Variants in KIF13B observed in about 807,000 individuals in gnomAD.
KIF13B encodes kinesin family member 13B.
KIF13B carries 127 observed loss-of-function variants against 222.0 expected under a neutral mutation model. The observed-to-expected ratio is 0.57, with a 90% CI of 0.50 to 0.66. The LOEUF is 0.66. KIF13B is among the 30% of genes least tolerant of loss of function. The pLI, the probability that KIF13B is intolerant of heterozygous loss-of-function variation, is 0.00. For synonymous variants in KIF13B, 976 were observed against 919.0 expected (o/e 1.06, Z -1.12); for missense variants, 2,173 against 2,379.0 (o/e 0.91, Z 1.80).
chr8:29,102,782 A>G (rs1279816693), intron 35 of KIF13B, among the ~76,000 whole-genome samples: 1 of 152,248 alleles, frequency 6.6e-6, no homozygotes. Flanking sequence ...CACGGCTTTC[A>G]GGAAGGCGAT....
intron 1 of KIF13B, among the ~76,000 whole-genome samples, chr8:29,253,051 G>T (rs182439737): frequency 1.1e-3 from 169 of 152,304 alleles, no homozygotes; most frequent in African/African-American, 4.0e-3. Context: ...GTTAGGAGAG[G>T]AGATGTGATA....
At chr8:29,235,785 G>C (rs1218815628) in intron 2 of KIF13B, among the ~76,000 whole-genome samples, 1 of 152,220 alleles carries the variant, frequency 6.6e-6, no homozygotes, top group African/African-American at 2.4e-5. Context: ...GCAGGAGCAG[G>C]CTTGAAGATC....
intron 6 of KIF13B, among the ~76,000 whole-genome samples, chr8:29,184,169 A>G (rs1344686827): frequency 6.6e-6 from 1 of 151,972 alleles, no homozygotes; most frequent in Non-Finnish European, 1.5e-5. Flanking sequence ...TTATCTCCTG[A>G]GTAAAACAAC....
chr8:29,262,909 G>A, intron 1 of KIF13B, 71 bp downstream of exon 1: 1 of 1,319,202 alleles, frequency 7.6e-7, no homozygotes, highest in Non-Finnish European at 1.0e-6. Context: ...ACCCCCCACG[G>A]CGGCCGAGGG....
At chr8:29,224,140 C>G (rs544467057) in intron 2 of KIF13B, among the ~76,000 whole-genome samples, 1 of 148,504 alleles carries the variant, frequency 6.7e-6, no homozygotes, top group South Asian at 2.2e-4. Context: ...TACAGGCACC[C>G]GCCACCACGC....
intron 5 of KIF13B, 56 bp from the exon 6 acceptor site, chr8:29,186,528 C>T (rs1812936413): frequency 7.0e-7 from 1 of 1,428,954 alleles, no homozygotes; most frequent in Non-Finnish European, 9.5e-7. Flanking sequence ...AAATACATAA[C>T]CCTCTTTCCG....
At chr8:29,173,828 C>T (rs1186378067) in intron 10 of KIF13B, among the ~76,000 whole-genome samples, 1 of 151,478 alleles carries the variant, frequency 6.6e-6, no homozygotes, top group African/African-American at 2.4e-5. Flanking sequence ...CCTGTAATCC[C>T]AGCTACTCGG....
At chr8:29,172,597 A>G (rs1812294881) in intron 10 of KIF13B, among the ~76,000 whole-genome samples, 2 of 152,224 alleles carry the variant, frequency 1.3e-5, no homozygotes, top group South Asian at 4.1e-4. Context: ...TGAAGTGAGT[A>G]TCCTTCTAAT....
intron 36 of KIF13B, among the ~76,000 whole-genome samples, chr8:29,098,323 C>T (rs1041500663): frequency 1.2e-4 from 18 of 151,694 alleles, no homozygotes; most frequent in Admixed American, 1.1e-3. Context: ...AATAAACTTG[C>T]CGGGTGCAGT....
chr8:29,085,370 C>G (rs1807994651), intron 37 of KIF13B, among the ~76,000 whole-genome samples: 1 of 152,220 alleles, frequency 6.6e-6, no homozygotes, highest in Non-Finnish European at 1.5e-5. Flanking sequence ...CACTACACAA[C>G]TTGTGTACCT....
chr8:29,214,576 G>A (rs889339006), intron 2 of KIF13B, among the ~76,000 whole-genome samples: 1 of 152,190 alleles, frequency 6.6e-6, no homozygotes, highest in African/African-American at 2.4e-5. Flanking sequence ...AGACCTGCCT[G>A]AGGCTGTTTT....
chr8:29,136,011 ACCC>A (rs1309007448), intron 21 of KIF13B, among the ~76,000 whole-genome samples: 1 of 151,938 alleles, frequency 6.6e-6, no homozygotes, highest in Non-Finnish European at 1.5e-5. Flanking sequence ...ACAAACAGGA[ACCC>A]CCGTTATAAT....
intron 38 of KIF13B, among the ~76,000 whole-genome samples, chr8:29,073,078 T>TATGAGGAGGGGG: frequency 1.1e-5 from 1 of 93,144 alleles, no homozygotes; most frequent in South Asian, 4.1e-4. Flanking sequence ...CGAGGAGGGG[T>TATGAGGAGGGGG]ACGAGGAGGG....
rs547600376 is a variant in KIF13B, at chr8:29,068,109, G to C, written c.*2395C>G. On this transcript the variant is annotated 3_prime_UTR_variant, in exon 40 of 40. Coordinates refer to ENST00000524189, the MANE Select transcript of KIF13B (RefSeq NM_015254.4). The surrounding 1 kb of genome is among the most constrained non-coding windows in gnomAD (Gnocchi z 4.4). Reference sequence around the variant, plus strand: ...CCACCCCCATCTCTGACAGCGCCGCGTGTGCAGTTACTGCCCTTCCCGGCC... The same window carrying C: ...CCACCCCCATCTCTGACAGCGCCGCCTGTGCAGTTACTGCCCTTCCCGGCC... 6.6e-6 allele frequency: 1 copy of C among 152,404 alleles called. No homozygotes were observed. The highest frequency in any genetic ancestry group is 1.5e-5 in the Non-Finnish European group (1 of 68,228). The allele number at this position is 152,404 out of a possible 1,614,324, so 9.4% of individuals were successfully genotyped here. A position where few individuals can be genotyped will look rare whatever the true frequency, so the allele number is the denominator to read the frequency against.
intron 2 of KIF13B, 108 bp from the exon 3 acceptor site, chr8:29,196,307 G>T: frequency 1.1e-6 from 1 of 880,240 alleles, no homozygotes; most frequent in Non-Finnish European, 1.8e-6. Context: ...TAAACATTAT[G>T]TAAATTCACA....
intron 38 of KIF13B, among the ~76,000 whole-genome samples, chr8:29,072,680 G>A (rs955541611): frequency 2.1e-4 from 32 of 152,158 alleles, no homozygotes; most frequent in Non-Finnish European, 3.8e-4. Flanking sequence ...CCAGGCTCAA[G>A]AGCACTGACC....
chr8:29,231,900 AC>A (rs1424408644), intron 2 of KIF13B, among the ~76,000 whole-genome samples: 2 of 152,220 alleles, frequency 1.3e-5, no homozygotes, highest in Non-Finnish European at 2.9e-5. Context: ...ATTATAAAGA[AC>A]CTGTAAGATT....
intron 17 of KIF13B, 31 bp from the exon 18 acceptor site, chr8:29,146,571 G>A (rs1338209949): frequency 6.3e-7 from 1 of 1,593,988 alleles, no homozygotes; most frequent in Non-Finnish European, 8.6e-7. Flanking sequence ...GGCAGAGGTA[G>A]GGAAGAGATT....
intron 35 of KIF13B, among the ~76,000 whole-genome samples, chr8:29,105,009 C>G (rs866598076): frequency 2.0e-4 from 31 of 151,958 alleles, no homozygotes; most frequent in Non-Finnish European, 5.9e-5. Flanking sequence ...CTCTGTCACC[C>G]AGGCTGGAGT....
Sources: allele counts gnomAD v4.1 joint callset (sites outside exome capture counted in the v4.1 genomes callset), GRCh38; gene constraint gnomAD v4.1.1; non-coding constraint Gnocchi (gnomAD v3.1); transcripts MANE v1.5; gene names NCBI Gene and HGNC (gene_info 2026-07-23, HGNC 2026-07-21).